Variants in TNS1 observed in about 807,000 individuals in gnomAD.
TNS1 encodes the protein tensin 1, also known as tensin-1.
Under a neutral mutation model 168.6 loss-of-function variants are expected in TNS1, and 62 were observed. The observed-to-expected ratio is 0.37, with a 90% CI of 0.30 to 0.45. The LOEUF (loss-of-function observed/expected upper bound fraction) is 0.45. TNS1 is among the 20% of genes least tolerant of loss of function. TNS1 has a pLI of 1.00. For synonymous variants in TNS1, 934 were observed against 933.2 expected (o/e 1.00, Z -0.02); for missense variants, 2,240 against 2,339.4 (o/e 0.96, Z 0.88).
chr2:217,850,397 A>T, intron 18 of TNS1: 1 of 985,286 alleles, frequency 1.0e-6, no homozygotes, highest in Non-Finnish European at 1.2e-6. Flanking sequence ...CATGGGGGAG[A>T]GGGTCCTCTT....
In TNS1 at chr2:217,885,835, G is replaced by A; in HGVS notation, c.1041-16C>T. On this transcript the variant is annotated splice_polypyrimidine_tract_variant and intron_variant, in intron 14 of 32. Transcript: ENST00000682258. Reference sequence around the variant, plus strand: ...TGGGATGTTGCTAAGGGAGAGAGGTGGGCAGAAAAAGAGTGGGCTGCTGGA... The same window carrying A: ...TGGGATGTTGCTAAGGGAGAGAGGTAGGCAGAAAAAGAGTGGGCTGCTGGA... 1.2e-6 allele frequency: 2 copies of A among 1,613,760 alleles called. No individual in the cohort carries two copies. The highest frequency in any genetic ancestry group is 8.5e-7 in the Non-Finnish European group (1 of 1,179,762).
chr2:217,991,177 G>C, intron 1 of TNS1, 121 bp from the exon 2 acceptor site: 1 of 458,440 alleles, frequency 2.2e-6, no homozygotes, highest in Non-Finnish European at 4.0e-6. Flanking sequence ...AGCCCCTCAG[G>C]GTCCAGAGGA....
intron 15 of TNS1, 96 bp from the exon 16 acceptor site, chr2:217,885,260 A>G: frequency 6.5e-7 from 1 of 1,539,992 alleles, no homozygotes; most frequent in Non-Finnish European, 8.8e-7. Flanking sequence ...TGAGCCCCCA[A>G]GGCTCACCCC....
In TNS1 at chr2:218,033,610, G is replaced by A. The variant is rs1958919496; in HGVS notation, c.156+210C>T. ...TATCACCCTCCTCCCAAGGGCACAA[G>A]AGACCCAGGGGAGCCCTCTACCCAA... is the stretch of plus-strand genomic sequence containing the variant. On this transcript the variant is annotated intron_variant, in intron 1 of 1. Coordinates refer to the TNS1 transcript ENST00000649572. The surrounding 1 kb of genome is among the most constrained non-coding windows in gnomAD (Gnocchi z 4.3). Among the ~76,000 whole-genome samples, 1 of 152,078 alleles carries A rather than the reference G, an allele frequency of 6.6e-6. No individual in the cohort carries two copies. Among genetic ancestry groups the A allele is most frequent in the Admixed American group, 6.5e-5 (1 of 15,270 alleles).
At chr2:217,945,242 AC>A (rs1957074174) in intron 3 of TNS1, among the ~76,000 whole-genome samples, 1 of 152,188 alleles carries the variant, frequency 6.6e-6, no homozygotes, top group African/African-American at 2.4e-5. Flanking sequence ...GTCTTTAAGA[AC>A]TTTTCCGGTC....
chr2:217,859,508 C>T, intron 18 of TNS1: 2 of 756,976 alleles, frequency 2.6e-6, no homozygotes, highest in Non-Finnish European at 4.5e-6. Context: ...GTCACCCAGG[C>T]AGGGCTCCAG....
chr2:217,822,563 C>A (rs1490747540), intron 22 of TNS1, among the ~76,000 whole-genome samples: 2 of 152,218 alleles, frequency 1.3e-5, no homozygotes, highest in African/African-American at 4.8e-5. Flanking sequence ...CATCAGGGAA[C>A]CCCATTCCCA....
At chr2:217,951,994 C>T (rs189940425) in intron 3 of TNS1, among the ~76,000 whole-genome samples, 3 of 152,398 alleles carry the variant, frequency 2.0e-5, no homozygotes, top group East Asian at 3.9e-4. Context: ...CCCTGTGAGG[C>T]CCTCCAGGCA....
chr2:217,885,677 A>C, intron 15 of TNS1, 67 bp downstream of exon 15: 1 of 1,525,368 alleles, frequency 6.6e-7, no homozygotes, highest in Non-Finnish European at 9.1e-7. Context: ...AGAGGCAGGA[A>C]AGGAGTAAGA....
rs772191321 is a variant in TNS1, at chr2:217,813,679, G to A, written c.4861+6C>T. The A allele has an allele frequency of 1.0e-5, 16 of 1,605,870 alleles. No homozygotes were observed. Among genetic ancestry groups the A allele is most frequent in the Admixed American group, 6.8e-5 (4 of 58,626 alleles). On this transcript the variant is annotated splice_donor_region_variant and intron_variant, in intron 26 of 32. Coordinates refer to ENST00000682258, the MANE Select transcript of TNS1 (RefSeq NM_001387777.1). This position sits in a 1 kb window ranked among gnomAD's most constrained non-coding sequence, Gnocchi z 4.0. ...TCCTGAGCCCCATTCTGGGAGATGAGGTTACCTTTTTTATTCTGCTGCATG... is the reference window on the plus strand; with the variant it reads ...TCCTGAGCCCCATTCTGGGAGATGAAGTTACCTTTTTTATTCTGCTGCATG...
At chr2:217,887,830 A>G (rs549710150) in intron 12 of TNS1, among the ~76,000 whole-genome samples, 52 of 152,368 alleles carry the variant, frequency 3.4e-4, no homozygotes, top group Admixed American at 2.0e-4. Flanking sequence ...CATCTGCCCA[A>G]TAGAGATCAG....
In TNS1 at chr2:217,838,778, G is replaced by A. The variant is rs369467107; in HGVS notation, c.3008-2567C>T. Among the ~76,000 whole-genome samples, 13 of 152,356 alleles carry A rather than the reference G, an allele frequency of 8.5e-5. No individual in the cohort carries two copies. The East Asian group carries it at 2.1e-3, about 25-fold the overall frequency. ...CTCTATGGGAGGGGAGACTGGCGTG[G>A]CAGAGGGGAGAGAAGAGAGCCCCAT... On this transcript the variant is annotated intron_variant, in intron 19 of 32. Coordinates refer to ENST00000682258, the MANE Select transcript of TNS1 (RefSeq NM_001387777.1).
intron 22 of TNS1, among the ~76,000 whole-genome samples, chr2:217,828,423 G>A (rs1274593362): frequency 1.3e-5 from 2 of 152,224 alleles, no homozygotes; most frequent in East Asian, 3.8e-4. Context: ...AAATAGGCCT[G>A]AGAAAACCAG....
At chr2:217,996,341 C>T (rs1401904035) in intron 1 of TNS1, among the ~76,000 whole-genome samples, 1 of 152,164 alleles carries the variant, frequency 6.6e-6, no homozygotes, top group Non-Finnish European at 1.5e-5. Context: ...CTGCCCCATG[C>T]CCCCTCACCC....
At chr2:217,841,649 C>T (rs1023621958) in intron 19 of TNS1, among the ~76,000 whole-genome samples, 3 of 152,066 alleles carry the variant, frequency 2.0e-5, no homozygotes, top group Non-Finnish European at 2.9e-5. Context: ...GAGGTGCCAT[C>T]GTGGGACCAG....
chr2:217,803,113 G>A lies in TNS1; in HGVS notation c.*1346C>T, dbSNP rs3088214. ...GCATTGTAGGTAGGCGATGTGGTGTGCAGGCAGCAGGCCCAGGAGCTCTGC... is the reference window on the plus strand; with the variant it reads ...GCATTGTAGGTAGGCGATGTGGTGTACAGGCAGCAGGCCCAGGAGCTCTGC... On this transcript the variant is annotated 3_prime_UTR_variant, in exon 33 of 33. Transcript: ENST00000682258. The A allele has an allele frequency of 0.59, 89,121 of 152,328 alleles. 26,257 individuals are homozygous for A. The highest frequency in any genetic ancestry group is 0.66 in the Middle Eastern group (194 of 294). 9.4% of individuals were successfully genotyped at this position (152,328 alleles called of 1,614,324 possible).
chr2:217,895,224 C>T (rs1436676309), intron 8 of TNS1, among the ~76,000 whole-genome samples, 168 bp from the exon 9 acceptor site: 2 of 152,214 alleles, frequency 1.3e-5, no homozygotes. Context: ...CTCTCACGGC[C>T]AGGGGCCTGG....
chr2:217,969,714 C>G (rs1957731983), intron 3 of TNS1, among the ~76,000 whole-genome samples: 1 of 152,164 alleles, frequency 6.6e-6, no homozygotes, highest in Non-Finnish European at 1.5e-5. Context: ...GAAATCAAAT[C>G]AAAACCATGA....
In TNS1 at chr2:217,848,931, C is replaced by A. The variant is rs777654934; in HGVS notation, c.1586G>T (p.Ser529Ile). The change falls in exon 19 of 33, where the codon AGC becomes ATC. Residue 529 changes from serine (S) to isoleucine (I), a missense_variant. By Grantham distance (142) the Ser-to-Ile change is moderately radical (BLOSUM62 -2). Coordinates refer to ENST00000682258, the MANE Select transcript of TNS1 (RefSeq NM_001387777.1). ...NHVEHTLSVS[S>I]DSGNSTASTK... The stretch of plus-strand genomic sequence containing the variant: ...GGAGGCTGTGGAGTTGCCCGAGTCG[C>A]TGCTCACAGAAAGCGTGTGTTCCAC... The A allele has an allele frequency of 6.2e-7, 1 of 1,614,158 alleles. No homozygotes were observed. The highest frequency in any genetic ancestry group is 1.6e-4 in the Middle Eastern group (1 of 6,062).
Sources: gnomAD v4.1 joint callset for allele counts (sites outside exome capture counted in the v4.1 genomes callset) on GRCh38, gnomAD v4.1.1 for gene constraint, Gnocchi (gnomAD v3.1) non-coding constraint, MANE v1.5 for transcripts, NCBI Gene and HGNC (gene_info 2026-07-23, HGNC 2026-07-21) for gene names.